Variants in MOV10L1 observed in about 807,000 individuals in gnomAD.
MOV10L1 encodes Mov10 like RNA helicase 1, also known as RNA helicase Mov10l1.
MOV10L1 carries 110 observed loss-of-function variants against 143.8 expected under a neutral mutation model. The observed-to-expected ratio is 0.76, with a 90% CI of 0.66 to 0.90. The LOEUF (loss-of-function observed/expected upper bound fraction) is 0.90. Among genes scored for constraint, MOV10L1 ranks in the 40% least tolerant of loss-of-function variants. The pLI is 0.00. For synonymous variants in MOV10L1, 593 were observed against 581.1 expected, an observed-to-expected ratio of 1.02 and a Z score of -0.29; for missense variants, 1,406 against 1,526.8, an observed-to-expected ratio of 0.92 and a Z score of 1.32.
intron 22 of MOV10L1, among the ~76,000 whole-genome samples, chr22:50,156,943 C>G (rs1475079055): frequency 6.6e-6 from 1 of 152,162 alleles, no homozygotes; most frequent in Non-Finnish European, 1.5e-5. Flanking sequence ...TCTTGCTTTC[C>G]ACAGTAACTG....
chr22:50,121,141 C>A (rs955496808), intron 10 of MOV10L1, among the ~76,000 whole-genome samples: 1 of 152,088 alleles, frequency 6.6e-6, no homozygotes, highest in Non-Finnish European at 1.5e-5. Context: ...TGCCCTTTGT[C>A]CAGGAGGGTT....
At chr22:50,120,925 C>T (rs920263845) in intron 10 of MOV10L1, among the ~76,000 whole-genome samples, 3 of 152,184 alleles carry the variant, frequency 2.0e-5, no homozygotes, top group African/African-American at 7.2e-5. Flanking sequence ...TCTCGCTAGA[C>T]TAGGAGGCCT....
intron 2 of MOV10L1, among the ~76,000 whole-genome samples, chr22:50,097,515 G>A (rs2062619235): frequency 6.6e-6 from 1 of 151,934 alleles, no homozygotes; most frequent in Non-Finnish European, 1.5e-5. Flanking sequence ...TTTTGAGACT[G>A]CACAATTGCA....
chr22:50,148,865 C>T (rs1003969644), intron 19 of MOV10L1, among the ~76,000 whole-genome samples: 8 of 152,126 alleles, frequency 5.3e-5, no homozygotes, highest in African/African-American at 1.9e-4. Flanking sequence ...GGGGTTTCAC[C>T]GTGTTAGCCA....
chr22:50,090,354 G>A (rs1382609944), intron 1 of MOV10L1, 169 bp downstream of exon 1: 6 of 1,516,140 alleles, frequency 4.0e-6, no homozygotes, highest in East Asian at 2.5e-5. Flanking sequence ...GGAGGCTTCC[G>A]ACCCCACAGC....
At chr22:50,128,235 T>C (rs1458345860) in intron 12 of MOV10L1, among the ~76,000 whole-genome samples, 181 bp from the exon 13 acceptor site, 4 of 152,242 alleles carry the variant, frequency 2.6e-5, no homozygotes, top group Non-Finnish European at 5.9e-5. Context: ...TATGAGTGTG[T>C]AGTGATCCAT....
intron 10 of MOV10L1, among the ~76,000 whole-genome samples, chr22:50,124,794 C>G (rs2062447144): frequency 6.6e-6 from 1 of 152,170 alleles, no homozygotes; most frequent in East Asian, 1.9e-4. Context: ...GAGCTCCTCT[C>G]CTTAGAAACC....
At chr22:50,141,545 G>A (rs1248928890) in intron 15 of MOV10L1, among the ~76,000 whole-genome samples, 1 of 138,694 alleles carries the variant, frequency 7.2e-6, no homozygotes, top group Non-Finnish European at 1.6e-5. Flanking sequence ...TCACCATGTT[G>A]CCCAGGCTAG....
intron 5 of MOV10L1, among the ~76,000 whole-genome samples, chr22:50,111,100 A>G (rs1033121579): frequency 6.6e-6 from 1 of 152,138 alleles, no homozygotes; most frequent in Non-Finnish European, 1.5e-5. Flanking sequence ...ACAGGTCTCA[A>G]TCAAGTTAGA....
At chr22:50,150,670 C>G (rs1297491337) in intron 20 of MOV10L1, 65 bp from the exon 21 acceptor site, 1 of 1,565,544 alleles carries the variant, frequency 6.4e-7, no homozygotes, top group African/African-American at 1.4e-5. Context: ...CCATTCCCAC[C>G]TGAGCCCGTA....
rs888978895 is a variant in MOV10L1 at position 50,152,077 on chromosome 22, G to T, written c.2893-968G>T. On this transcript the variant is annotated intron_variant, in intron 21 of 26. Transcript: ENST00000262794. This position sits in a 1 kb window ranked among gnomAD's most constrained non-coding sequence, Gnocchi z 4.4. ...GGACACATTCTATTTAGGCTTGACA[G>T]AGTCGGGAGGACTCACGGGGCCAAT... 6.6e-6 allele frequency among the ~76,000 whole-genome samples: 1 copy of T among 152,262 alleles called. No individual in the cohort carries two copies. Among genetic ancestry groups the T allele is most frequent in the Non-Finnish European group, 1.5e-5 (1 of 68,044 alleles).
chr22:50,129,671 CCTG>C (rs2062616752), intron 13 of MOV10L1, among the ~76,000 whole-genome samples: 1 of 152,184 alleles, frequency 6.6e-6, no homozygotes, highest in Non-Finnish European at 1.5e-5. Context: ...TGTATAACAG[CCTG>C]CTGATCGGTG....
At chr22:50,103,715 T>C (rs1299851202) in intron 3 of MOV10L1, among the ~76,000 whole-genome samples, 4 of 152,138 alleles carry the variant, frequency 2.6e-5, no homozygotes. Flanking sequence ...GTTCTTATTG[T>C]AGTCCGTGTG....
chr22:50,091,874 G>T (rs1304366782), intron 1 of MOV10L1, 127 bp from the exon 2 acceptor site: 2 of 827,352 alleles, frequency 2.4e-6, no homozygotes, highest in South Asian at 3.5e-5. Context: ...AAGTCAGCCC[G>T]TTCGGAGTCA....
At chr22:50,100,984 T>C (rs138209) in intron 3 of MOV10L1, among the ~76,000 whole-genome samples, 76,592 of 151,968 alleles carry the variant, frequency 0.5, 20,213 homozygotes, top group Admixed American at 0.63. Flanking sequence ...GTTTCTTCTT[T>C]CCCAGGAGAA....
chr22:50,110,848 T>C (rs34428657), intron 5 of MOV10L1, among the ~76,000 whole-genome samples: 1 of 151,578 alleles, frequency 6.6e-6, no homozygotes, highest in East Asian at 2.0e-4. Flanking sequence ...GGAGAATTGC[T>C]TGAACCCGGG....
At position 50,108,748 on chromosome 22, in the gene MOV10L1, C is replaced by A. The variant is rs762692620; in HGVS notation, c.647C>A (p.Thr216Lys). 1.9e-6 allele frequency: 3 copies of A among 1,614,122 alleles called. No individual in the cohort carries two copies. Among genetic ancestry groups the A allele is most frequent in the African/African-American group, 1.3e-5 (1 of 74,938 alleles). The change falls in exon 5 of 27, where the codon ACA becomes AAA. Residue 216 changes from threonine (T) to lysine (K), a missense_variant. Thr to Lys is a moderately conservative substitution (Grantham distance 78). Around this residue, in one of 3 missense-constraint regions of MOV10L1, gnomAD observed 1,233 missense variants for 1,351.4 expected, o/e 0.91. Coordinates refer to ENST00000262794, the MANE Select transcript of MOV10L1 (RefSeq NM_018995.3). ...LDSLKLPDGY[T>K]PRRGDVVNAV... ...TCCTTGAAACTGCCAGATGGGTACA[C>A]ACCCCGGAGAGGTGACGTGGTCAAT...
chr22:50,150,704 G>A, intron 20 of MOV10L1, 31 bp from the exon 21 acceptor site: 1 of 1,607,346 alleles, frequency 6.2e-7, no homozygotes, highest in South Asian at 1.1e-5. Flanking sequence ...CACCCTCCCT[G>A]CATGAGCTGA....
rs980180957 is a variant in MOV10L1, at chr22:50,158,128, C to T, written c.3138C>T (p.Tyr1046=). 1 of 1,614,204 alleles carries T rather than the reference C, an allele frequency of 6.2e-7. No individual in the cohort carries two copies. The highest frequency in any genetic ancestry group is 8.5e-7 in the Non-Finnish European group (1 of 1,180,050). ...CCGAGGCCGTCCAGGTCCTGCGCTACTGCTGCCTCCTGGCCCACAGCATCT... is the reference window on the plus strand; with the variant it reads ...CCGAGGCCGTCCAGGTCCTGCGCTATTGCTGCCTCCTGGCCCACAGCATCT... ...NPAEAVQVLR[Y]CCLLAHSISS... The change falls in exon 23 of 27, where the codon TAC becomes TAT. Residue 1046 remains tyrosine (Y), a synonymous_variant. Transcript: ENST00000262794. The surrounding 1 kb of genome is among the most constrained non-coding windows in gnomAD (Gnocchi z 5.0).
Sources: allele counts gnomAD v4.1 joint callset (sites outside exome capture counted in the v4.1 genomes callset), GRCh38; gene constraint gnomAD v4.1.1; regional missense constraint gnomAD v4.1.1; non-coding constraint Gnocchi (gnomAD v3.1); transcripts MANE v1.5; gene names NCBI Gene and HGNC (gene_info 2026-07-23, HGNC 2026-07-21).